KPNA3: variants seen among roughly 807,000 people sequenced by gnomAD.
KPNA3 encodes the protein importin subunit alpha-4.
KPNA3 carries 13 observed loss-of-function variants against 73.8 expected under a neutral mutation model. That is an observed-to-expected ratio of 0.18 (90% confidence interval 0.11 to 0.28). KPNA3 has a LOEUF of 0.28. Among genes scored for constraint, KPNA3 ranks in the 10% least tolerant of loss-of-function variants. The pLI is 1.00. For synonymous variants in KPNA3, 186 were observed against 206.9 expected, an observed-to-expected ratio of 0.90 and a Z score of 0.87; for missense variants, 360 against 618.1, an observed-to-expected ratio of 0.58 and a Z score of 4.43.
At position 49,764,751 on chromosome 13, in the gene KPNA3, C is replaced by CT. The variant is rs1326626884; in HGVS notation, c.70-17759dup. Among the ~76,000 whole-genome samples the CT allele has an allele frequency of 4.7e-5, 7 of 148,528 alleles. No individual in the cohort carries two copies. In the East Asian group the frequency reaches 1.2e-3, roughly 25 times the overall value. On this transcript the variant is annotated intron_variant, in intron 1 of 16. Transcript: ENST00000261667. The stretch of plus-strand genomic sequence containing the variant: ...ATCATGAGCATGACCATGTCTTTCA[C>CT]TTAAAAAAAAAAAAAAGAACCTTTC...
At chr13:49,720,729 CAAA>C (rs10707385) in intron 9 of KPNA3, among the ~76,000 whole-genome samples, 4 of 87,994 alleles carry the variant, frequency 4.5e-5, no homozygotes, top group Admixed American at 2.3e-4. Flanking sequence ...GAGACTGTCT[CAAA>C]AAAAAAAAAA....
intron 12 of KPNA3, among the ~76,000 whole-genome samples, chr13:49,708,319 A>G (rs1351500610): frequency 3.3e-5 from 5 of 152,076 alleles, no homozygotes; most frequent in African/African-American, 7.2e-5. Context: ...TTAAACCACA[A>G]TGAGACACCA....
intron 1 of KPNA3, among the ~76,000 whole-genome samples, chr13:49,781,454 T>C (rs2137604025): frequency 6.6e-6 from 1 of 151,594 alleles, no homozygotes; most frequent in East Asian, 2.0e-4. Context: ...TAATGTAAAC[T>C]TTGTGAGGAT....
chr13:49,712,436 G>A (rs1176681408), intron 10 of KPNA3, among the ~76,000 whole-genome samples: 1 of 150,556 alleles, frequency 6.6e-6, no homozygotes, highest in Non-Finnish European at 1.5e-5. Context: ...GATAGAAGGG[G>A]GAAAAAAAAA....
intron 1 of KPNA3, among the ~76,000 whole-genome samples, chr13:49,774,011 T>C (rs938185436): frequency 2.0e-5 from 3 of 151,902 alleles, no homozygotes; most frequent in African/African-American, 7.2e-5. Context: ...GCTCAGGTGA[T>C]CCTCCCACCT....
At chr13:49,766,502 T>C (rs1414269241) in intron 1 of KPNA3, among the ~76,000 whole-genome samples, 1 of 152,198 alleles carries the variant, frequency 6.6e-6, no homozygotes, top group East Asian at 1.9e-4. Flanking sequence ...TCTCTTCCTG[T>C]GCTAGTGAGA....
At chr13:49,706,895 C>A (rs945562799) in intron 12 of KPNA3, among the ~76,000 whole-genome samples, 5 of 152,014 alleles carry the variant, frequency 3.3e-5, no homozygotes, top group Non-Finnish European at 7.4e-5. Flanking sequence ...ACTACAGGCA[C>A]CTGTCACCAC....
chr13:49,725,516 T>C lies in KPNA3; in HGVS notation c.384-15A>G, dbSNP rs748999339. 6.6e-7 allele frequency: 1 copy of C among 1,516,966 alleles called. No homozygotes were observed. The highest frequency in any genetic ancestry group is 9.1e-7 in the Non-Finnish European group (1 of 1,093,038). The allele number at this position is 1,516,966 out of a possible 1,614,324, so 94.0% of individuals were successfully genotyped here. Reference sequence around the variant, plus strand: ...GTAATGAAGGACTGTAAAAAAACAATAACACATCTTTTTAGACACATAACT... The same window carrying C: ...GTAATGAAGGACTGTAAAAAAACAACAACACATCTTTTTAGACACATAACT... On this transcript the variant is annotated splice_polypyrimidine_tract_variant and intron_variant, in intron 6 of 16. Coordinates refer to ENST00000261667, the MANE Select transcript of KPNA3 (RefSeq NM_002267.4).
In KPNA3 at chr13:49,766,871, T is replaced by C. The variant is rs1954811737; in HGVS notation, c.70-19878A>G. Among the ~76,000 whole-genome samples, 3 of 151,724 alleles carry C rather than the reference T, an allele frequency of 2.0e-5. No individual in the cohort carries two copies. The South Asian group carries it at 6.2e-4, about 32-fold the overall frequency. On this transcript the variant is annotated intron_variant, in intron 1 of 16. Coordinates refer to ENST00000261667, the MANE Select transcript of KPNA3 (RefSeq NM_002267.4). The stretch of plus-strand genomic sequence containing the variant: ...GACAGAAAATTCCACTGCGTTAATA[T>C]TACAAGATATCAACTAGAATTTTTT...
intron 1 of KPNA3, among the ~76,000 whole-genome samples, chr13:49,755,652 G>T (rs1236660660): frequency 6.6e-6 from 1 of 152,080 alleles, no homozygotes; most frequent in Non-Finnish European, 1.5e-5. Flanking sequence ...TTAGCTGGGC[G>T]TGGTGGTGCA....
In KPNA3 at chr13:49,709,695, T is replaced by C. The variant is rs1954241983; in HGVS notation, c.909A>G (p.Ala303=). 1 of 1,613,688 alleles carries C rather than the reference T, an allele frequency of 6.2e-7. No homozygotes were observed. Among genetic ancestry groups the C allele is most frequent in the Non-Finnish European group, 8.5e-7 (1 of 1,179,792 alleles). ...CTATGTTGCCAACTGCTCTGAGGGCTGCTGTCTAGGGTGGGGATAAAATGT... is the reference window on the plus strand; with the variant it reads ...CTATGTTGCCAACTGCTCTGAGGGCCGCTGTCTAGGGTGGGGATAAAATGT... The part of the protein sequence containing the change: ...LSHQEVKVQT[A]ALRAVGNIVT... Residue 303 remains alanine, a synonymous_variant, in exon 12 of 17, where the codon GCA becomes GCG. Transcript: ENST00000261667.
intron 1 of KPNA3, among the ~76,000 whole-genome samples, chr13:49,771,291 A>G (rs1392134589): frequency 3.3e-5 from 5 of 152,208 alleles, no homozygotes; most frequent in Non-Finnish European, 5.9e-5. Flanking sequence ...AACATGAAAT[A>G]TATTTCCATT....
chr13:49,742,288 CCT>C (rs1954581116), intron 2 of KPNA3, among the ~76,000 whole-genome samples: 1 of 152,186 alleles, frequency 6.6e-6, no homozygotes, highest in East Asian at 1.9e-4. Flanking sequence ...CTTAGACACC[CCT>C]TTCTTTTTTT....
chr13:49,749,805 A>G (rs1001307071), intron 1 of KPNA3, among the ~76,000 whole-genome samples: 1 of 152,200 alleles, frequency 6.6e-6, no homozygotes. Context: ...TATTCACCCG[A>G]AAGAATCATA....
intron 10 of KPNA3, among the ~76,000 whole-genome samples, chr13:49,712,763 CAAAACAGAT>C (rs940498379): frequency 9.2e-5 from 12 of 130,872 alleles, no homozygotes; most frequent in Middle Eastern, 4.1e-3. Context: ...TTAAAACTGT[CAAAACAGAT>C]AGTAAGAGAG....
At chr13:49,764,648 A>C (rs535070161) in intron 1 of KPNA3, among the ~76,000 whole-genome samples, 1 of 152,096 alleles carries the variant, frequency 6.6e-6, no homozygotes, top group African/African-American at 2.4e-5. Flanking sequence ...GAATCTAATT[A>C]TTCTCTCATC....
intron 2 of KPNA3, among the ~76,000 whole-genome samples, chr13:49,738,714 T>C (rs561074102): frequency 6.6e-6 from 1 of 152,358 alleles, no homozygotes; most frequent in Admixed American, 6.5e-5. Context: ...CACCTGTTAG[T>C]TCCAGGAGCT....
intron 1 of KPNA3, among the ~76,000 whole-genome samples, chr13:49,770,758 GA>G (rs35108032): frequency 1.1e-4 from 13 of 115,648 alleles, no homozygotes; most frequent in African/African-American, 2.1e-4. Flanking sequence ...TCCATTTGTT[GA>G]AAAAAAAAAA....
At chr13:49,706,856 C>T (rs1954212271) in intron 12 of KPNA3, among the ~76,000 whole-genome samples, 1 of 152,020 alleles carries the variant, frequency 6.6e-6, no homozygotes, top group African/African-American at 2.4e-5. Flanking sequence ...TCACGCCATT[C>T]TCCTGCCTCA....
Sources: allele counts gnomAD v4.1 joint callset (sites outside exome capture counted in the v4.1 genomes callset), GRCh38; gene constraint gnomAD v4.1.1; transcripts MANE v1.5; gene names NCBI Gene and HGNC (gene_info 2026-07-23, HGNC 2026-07-21).